Variants in MAVS observed in about 807,000 individuals in gnomAD.
The protein encoded by MAVS is mitochondrial antiviral signaling protein.
In MAVS, 20 loss-of-function variants were observed where a neutral mutation model predicts 30.2. The observed-to-expected ratio is 0.66, with a 90% CI of 0.47 to 0.96. The LOEUF is 0.96. Ranked by LOEUF, MAVS falls within the 40% of genes least tolerant of loss-of-function variation. MAVS has a pLI of 0.00. For synonymous variants in MAVS, 278 were observed against 293.9 expected (o/e 0.95, Z 0.55); for missense variants, 624 against 701.1 (o/e 0.89, Z 1.24).
At chr20:3,864,858 G>A in intron 6 of MAVS, 70 bp downstream of exon 6, 1 of 1,557,776 alleles carries the variant, frequency 6.4e-7, no homozygotes. Flanking sequence ...CCTGGCCCTG[G>A]CCTTGGCCCC....
At position 3,854,653 on chromosome 20, in the gene MAVS, A is replaced by T. The variant is rs936262871; in HGVS notation, c.29A>T (p.Lys10Met). Residue 10 changes from lysine (K) to methionine (M), a missense_variant, in exon 2 of 7, where the codon AAG (lysine) becomes ATG (methionine). Transcript: ENST00000428216. MPFAEDKTY[K>M]YICRNFSNFC... ...CCGTTTGCTGAAGACAAGACCTATA[A>T]GTATATCTGCCGCAATTTCAGCAAT... 4.3e-6 allele frequency: 7 copies of T among 1,613,620 alleles called. No individual in the cohort carries two copies. Among genetic ancestry groups the T allele is most frequent in the Non-Finnish European group, 5.9e-6 (7 of 1,179,848 alleles).
rs371612552 is a variant in MAVS, at chr20:3,864,456, G to C, written c.826G>C (p.Asp276His). 20 of 1,613,862 alleles carry C rather than the reference G, an allele frequency of 1.2e-5. No individual in the cohort carries two copies. The highest frequency in any genetic ancestry group is 1.7e-5 in the Admixed American group (1 of 59,990). The part of the protein sequence containing the change: ...AAEGKQGAES[D>H]QAEPIICSSG... ...AGAGGGTAAACAGGGTGCAGAGAGT[G>C]ACCAGGCCGAGCCTATCATCTGCTC... Residue 276 changes from aspartate to histidine, a missense_variant, in exon 6 of 7, where the codon GAC becomes CAC. Asp to His is a moderately conservative substitution (Grantham distance 81). Transcript: ENST00000428216.
In MAVS at chr20:3,873,694, G is replaced by A. The variant is rs1036334584; in HGVS notation, c.*7547G>A. ...GAAGGCACCGTATCTCTGAAGCAGA[G>A]AGCCCGCCCTGGACACTGGATCTGC... On this transcript the variant is annotated 3_prime_UTR_variant, in exon 7 of 7. Transcript: ENST00000428216. 1.9e-5 allele frequency: 3 copies of A among 156,700 alleles called. No homozygotes were observed. Among genetic ancestry groups the A allele is most frequent in the African/African-American group, 7.2e-5 (3 of 41,568 alleles). 9.7% of individuals were successfully genotyped at this position (156,700 alleles called of 1,614,324 possible).
intron 1 of MAVS, among the ~76,000 whole-genome samples, chr20:3,849,461 T>C (rs1488422337): frequency 2.0e-5 from 3 of 152,192 alleles, no homozygotes; most frequent in Non-Finnish European, 4.4e-5. Flanking sequence ...CGCCTAGGCC[T>C]CCCAAAGTGC....
At position 3,866,573 on chromosome 20, in the gene MAVS, G is replaced by A. The variant is rs1381468400; in HGVS notation, c.*426G>A. On this transcript the variant is annotated 3_prime_UTR_variant, in exon 7 of 7. Transcript: ENST00000428216. Reference sequence around the variant, plus strand: ...GAAGGCCTCAGGGCAGGTATGTGGTGTGTGGGCGACTCCACAAGACCTGCC... The same window carrying A: ...GAAGGCCTCAGGGCAGGTATGTGGTATGTGGGCGACTCCACAAGACCTGCC... The A allele has an allele frequency of 1.7e-5, 6 of 352,730 alleles. No individual in the cohort carries two copies. Among genetic ancestry groups the A allele is most frequent in the African/African-American group, 8.5e-5 (4 of 46,900 alleles). The allele number at this position is 352,730 out of a possible 1,614,324, so 21.9% of individuals were successfully genotyped here.
At chr20:3,857,120 T>G (rs1384227636) in intron 2 of MAVS, among the ~76,000 whole-genome samples, 1 of 152,042 alleles carries the variant, frequency 6.6e-6, no homozygotes, top group Non-Finnish European at 1.5e-5. Context: ...AGCTTCCTTG[T>G]TTGTTATTGT....
chr20:3,857,681 T>C lies in MAVS; in HGVS notation c.164T>C (p.Leu55Pro). 2.5e-6 allele frequency: 4 copies of C among 1,614,232 alleles called. No individual in the cohort carries two copies. Among genetic ancestry groups the C allele is most frequent in the Non-Finnish European group, 3.4e-6 (4 of 1,180,034 alleles). The change falls in exon 3 of 7, where the codon CTC becomes CCC. Residue 55 changes from leucine (L) to proline (P), a missense_variant. Coordinates refer to ENST00000428216, the MANE Select transcript of MAVS (RefSeq NM_020746.5). The part of the protein sequence containing the change: ...TCTLSGNRDT[L>P]WHLFNTLQRR... ...ACACTCTCAGGGAACCGGGACACCC[T>C]CTGGCATCTCTTCAATACCCTTCAG...
At chr20:3,853,434 C>G (rs6116069) in intron 1 of MAVS, among the ~76,000 whole-genome samples, 70,784 of 148,536 alleles carry the variant, frequency 0.48, 19,648 homozygotes, top group East Asian at 0.75. Context: ...TGCAGTGAGC[C>G]GAGATCGCGC....
Position 3,864,482 on chromosome 20 carries a change from C to T in MAVS, c.852C>T (p.Ser284=). ...ACCAGGCCGAGCCTATCATCTGCTC[C>T]AGTGGGGCAGAGGCACCTGCCAACT... ...ESDQAEPIIC[S]SGAEAPANSL... The change falls in exon 6 of 7, where the codon TCC becomes TCT. Residue 284 remains serine (S), a synonymous_variant. Transcript: ENST00000428216. The T allele has an allele frequency of 6.2e-7, 1 of 1,614,040 alleles. No individual in the cohort carries two copies. The highest frequency in any genetic ancestry group is 1.1e-5 in the South Asian group (1 of 91,086).
At chr20:3,851,004 G>A (rs192887518) in intron 1 of MAVS, among the ~76,000 whole-genome samples, 1,699 of 151,826 alleles carry the variant, frequency 0.011, 30 homozygotes, top group African/African-American at 0.039. Flanking sequence ...GGCCAACATG[G>A]TGAAACCCTG....
Position 3,871,414 on chromosome 20 carries a change from G to C in MAVS, c.*5267G>C, listed in dbSNP as rs963219695. The stretch of plus-strand genomic sequence containing the variant: ...CTGTCTTCAGAGGAGGGGCCGAAGC[G>C]GGTTCCTCTGTTGTCAAGCTCTTTG... On this transcript the variant is annotated 3_prime_UTR_variant, in exon 7 of 7. Transcript: ENST00000428216. The C allele has an allele frequency of 6.5e-6, 1 of 153,744 alleles. No homozygotes were observed. Among genetic ancestry groups the C allele is most frequent in the Non-Finnish European group, 1.5e-5 (1 of 68,106 alleles). The allele number at this position is 153,744 out of a possible 1,614,324, so 9.5% of individuals were successfully genotyped here.
chr20:3,866,070 C>G lies in MAVS; in HGVS notation c.1546C>G (p.Leu516Val), dbSNP rs1026061871. ...ATGCCACAGGCCCTCACCTGGGGCT[C>G]TGTGGCTCCAGGTGGCTGTGACAGG... is the stretch of plus-strand genomic sequence containing the variant. ...VPCHRPSPGA[L>V]WLQVAVTGVL... Residue 516 changes from leucine to valine, a missense_variant, in exon 7 of 7, where the codon CTG (leucine) becomes GTG (valine). Coordinates refer to ENST00000428216, the MANE Select transcript of MAVS (RefSeq NM_020746.5). The G allele has an allele frequency of 5.0e-6, 8 of 1,611,816 alleles. No homozygotes were observed. Among genetic ancestry groups the G allele is most frequent in the African/African-American group, 2.7e-5 (2 of 74,944 alleles).
At chr20:3,862,961 G>A (rs1035018249) in intron 5 of MAVS, among the ~76,000 whole-genome samples, 4 of 152,170 alleles carry the variant, frequency 2.6e-5, no homozygotes, top group Admixed American at 1.3e-4. Context: ...CTCCCTAGAC[G>A]GGAGGACTGA....
At chr20:3,860,633 C>G (rs1302065619) in intron 3 of MAVS, among the ~76,000 whole-genome samples, 1 of 151,784 alleles carries the variant, frequency 6.6e-6, no homozygotes, top group Non-Finnish European at 1.5e-5. Context: ...CTTCGGCCTC[C>G]CAAAGTGCTG....
chr20:3,864,855 CTGGCCT>C, intron 6 of MAVS, 67 bp downstream of exon 6: 2 of 1,562,930 alleles, frequency 1.3e-6, no homozygotes, highest in Non-Finnish European at 8.7e-7. Flanking sequence ...CCACCTGGCC[CTGGCCT>C]TGGCCCCTTC....
intron 3 of MAVS, among the ~76,000 whole-genome samples, chr20:3,858,790 TTC>T (rs536409978): frequency 1.1e-4 from 17 of 150,606 alleles, no homozygotes; most frequent in African/African-American, 2.5e-4. Context: ...TTTCTTTTCT[TTC>T]TCTCTCTTTT....
chr20:3,848,996 A>G (rs1020825297), intron 1 of MAVS, among the ~76,000 whole-genome samples: 6 of 152,030 alleles, frequency 3.9e-5, no homozygotes, highest in African/African-American at 1.4e-4. Flanking sequence ...CTGGTCTCCC[A>G]GTTTTCATCC....
Position 3,861,475 on chromosome 20 carries a change from G to C in MAVS, c.436G>C (p.Glu146Gln). Residue 146 changes from glutamate to glutamine, a missense_variant, in exon 4 of 7, where the codon GAG becomes CAG. Coordinates refer to ENST00000428216, the MANE Select transcript of MAVS (RefSeq NM_020746.5). The stretch of plus-strand genomic sequence containing the variant: ...GCCAAGTTACCCCATGCCTGTCCAG[G>C]AGACCCAGGCGCCAGAGTCCCCAGG... ...KEPSYPMPVQ[E>Q]TQAPESPGEN... 4 of 1,614,092 alleles carry C rather than the reference G, an allele frequency of 2.5e-6. No individual in the cohort carries two copies. The highest frequency in any genetic ancestry group is 3.4e-6 in the Non-Finnish European group (4 of 1,179,990).
rs925922696 is a variant in MAVS at position 3,869,031 on chromosome 20, G to A, written c.*2884G>A. 1 of 152,080 alleles carries A rather than the reference G, an allele frequency of 6.6e-6. No individual in the cohort carries two copies. Among genetic ancestry groups the A allele is most frequent in the Non-Finnish European group, 1.5e-5 (1 of 68,036 alleles). 9.4% of individuals were successfully genotyped at this position (152,080 alleles called of 1,614,324 possible). On this transcript the variant is annotated 3_prime_UTR_variant, in exon 7 of 7. Transcript: ENST00000428216. ...CTTTTTCTTTTTTCTTTTTTTTAGA[G>A]AATCACCCAGCCTGGAGCGAAGTGG...
Sources: gnomAD v4.1 joint callset for allele counts (sites outside exome capture counted in the v4.1 genomes callset) on GRCh38, gnomAD v4.1.1 for gene constraint, MANE v1.5 for transcripts, NCBI Gene and HGNC (gene_info 2026-07-23, HGNC 2026-07-21) for gene names.